Variants in NOS1AP observed in about 807,000 individuals in gnomAD.
NOS1AP encodes carboxyl-terminal PDZ ligand of neuronal nitric oxide synthase protein.
Under a neutral mutation model 56.2 loss-of-function variants are expected in NOS1AP, and 21 were observed. The observed-to-expected ratio is 0.37, with a 90% CI of 0.26 to 0.54. The LOEUF is 0.54. Among genes scored for constraint, NOS1AP ranks in the 20% least tolerant of loss-of-function variants. The pLI is 0.84. For synonymous variants in NOS1AP, 270 were observed against 274.6 expected (o/e 0.98, Z 0.17); for missense variants, 522 against 657.8 (o/e 0.79, Z 2.26).
chr1:162,289,464 CTTTT>C (rs1490334313), intron 3 of NOS1AP, among the ~76,000 whole-genome samples: 1 of 45,050 alleles, frequency 2.2e-5, no homozygotes, highest in Non-Finnish European at 4.0e-5. Context: ...CGCCCAGCTA[CTTTT>C]CTTTTTTTTT....
Position 162,225,931 on chromosome 1 carries a change from TAAG to T in NOS1AP, c.178-61409_178-61407del, listed in dbSNP as rs1364311706. Among the ~76,000 whole-genome samples the T allele has an allele frequency of 7.9e-5, 12 of 152,344 alleles. 1 individual carries two copies. In the South Asian group the frequency reaches 1.9e-3, roughly 24 times the overall value. On this transcript the variant is annotated intron_variant, in intron 2 of 9. Transcript: ENST00000361897. ...TTATTTTAACAAATTAATTTTATGT[TAAG>T]AAGCAAGGAATGTTATAGAGAAACG...
At chr1:162,362,997 A>T in intron 8 of NOS1AP, 1 of 778,202 alleles carries the variant, frequency 1.3e-6, no homozygotes, top group Non-Finnish European at 1.6e-6. Flanking sequence ...GACCAAATGT[A>T]TGGGGCTTTT....
chr1:162,264,585 C>A (rs1337401630), intron 2 of NOS1AP, among the ~76,000 whole-genome samples: 3 of 150,732 alleles, frequency 2.0e-5, no homozygotes, highest in African/African-American at 7.4e-5. Flanking sequence ...TGGCTCACTG[C>A]AACCTCCACC....
intron 2 of NOS1AP, among the ~76,000 whole-genome samples, chr1:162,244,663 G>T (rs1653599322): frequency 6.6e-6 from 1 of 152,150 alleles, no homozygotes; most frequent in Admixed American, 6.5e-5. Flanking sequence ...ATTTAAAGCA[G>T]AGTTTCCAGA....
At chr1:162,126,199 A>G (rs1648479490) in intron 1 of NOS1AP, among the ~76,000 whole-genome samples, 1 of 152,094 alleles carries the variant, frequency 6.6e-6, no homozygotes, top group South Asian at 2.1e-4. Flanking sequence ...AGGCTTTTCT[A>G]GGTATAAGAT....
intron 4 of NOS1AP, among the ~76,000 whole-genome samples, chr1:162,311,202 C>T (rs925040005): frequency 2.0e-5 from 3 of 152,162 alleles, no homozygotes; most frequent in African/African-American, 7.2e-5. Context: ...ATTCCCCACA[C>T]CTCCAAACAC....
chr1:162,212,811 C>T (rs1652415991), intron 2 of NOS1AP, among the ~76,000 whole-genome samples: 1 of 5,672 alleles, frequency 1.8e-4, no homozygotes, highest in Non-Finnish European at 3.1e-4. Flanking sequence ...CTTCTGCCCT[C>T]GACACACCCT....
intron 6 of NOS1AP, among the ~76,000 whole-genome samples, chr1:162,351,732 T>TC (rs1657503225): frequency 6.6e-6 from 1 of 151,992 alleles, no homozygotes; most frequent in Non-Finnish European, 1.5e-5. Context: ...TCCCTATGTC[T>TC]CCCCCCGACC....
chr1:162,335,008 G>T (rs190542902), intron 5 of NOS1AP, among the ~76,000 whole-genome samples: 1 of 143,770 alleles, frequency 7.0e-6, no homozygotes, highest in African/African-American at 2.5e-5. Context: ...CGCAGTGGGG[G>T]CATCCACTTC....
intron 2 of NOS1AP, among the ~76,000 whole-genome samples, chr1:162,157,646 CAT>C (rs1024552805): frequency 2.5e-4 from 38 of 152,180 alleles, no homozygotes; most frequent in African/African-American, 9.2e-4. Flanking sequence ...ATAAGGATCA[CAT>C]GTGTGTGAGA....
intron 1 of NOS1AP, among the ~76,000 whole-genome samples, chr1:162,077,949 C>T (rs574062833): frequency 1.3e-5 from 2 of 152,148 alleles, no homozygotes; most frequent in Non-Finnish European, 2.9e-5. Flanking sequence ...AATTGCTCTG[C>T]TGCCCCCTTC....
At chr1:162,146,391 T>C (rs77557646) in intron 1 of NOS1AP, among the ~76,000 whole-genome samples, 2,686 of 152,290 alleles carry the variant, frequency 0.018, 68 homozygotes, top group African/African-American at 0.061. Context: ...ACATGCACAG[T>C]TGGGGTCCTG....
chr1:162,167,181 G>A (rs1008441607), intron 2 of NOS1AP, among the ~76,000 whole-genome samples: 3 of 152,172 alleles, frequency 2.0e-5, no homozygotes, highest in Admixed American at 2.0e-4. Context: ...TCTTCACAAC[G>A]AGCTCACCCT....
chr1:162,077,666 T>C (rs1691798224), intron 1 of NOS1AP, among the ~76,000 whole-genome samples: 1 of 152,004 alleles, frequency 6.6e-6, no homozygotes, highest in African/African-American at 2.4e-5. Context: ...AGTCTGCCCT[T>C]GTCCTCTTAA....
chr1:162,255,430 A>T (rs1276923173), intron 2 of NOS1AP, among the ~76,000 whole-genome samples: 1 of 145,018 alleles, frequency 6.9e-6, no homozygotes, highest in Non-Finnish European at 1.5e-5. Context: ...TCAGGTCAGG[A>T]GACCCAGACA....
intron 2 of NOS1AP, among the ~76,000 whole-genome samples, chr1:162,215,653 C>G (rs899109249): frequency 1.3e-5 from 2 of 152,206 alleles, no homozygotes; most frequent in African/African-American, 4.8e-5. Context: ...GCTCTCCCAG[C>G]AGGCCCTTTA....
At chr1:162,286,948 T>G (rs1212852668) in intron 2 of NOS1AP, among the ~76,000 whole-genome samples, 2 of 152,202 alleles carry the variant, frequency 1.3e-5, no homozygotes, top group East Asian at 3.9e-4. Flanking sequence ...GTTCCAGCTG[T>G]TAGTCTTTGC....
chr1:162,076,864 C>G (rs954381693), intron 1 of NOS1AP, among the ~76,000 whole-genome samples: 3 of 152,170 alleles, frequency 2.0e-5, no homozygotes, highest in African/African-American at 7.2e-5. Flanking sequence ...TCTTTTGTGT[C>G]TGACTTCTTT....
Position 162,123,023 on chromosome 1 carries a change from A to C in NOS1AP, c.106-31382A>C, listed in dbSNP as rs529953911. Among the ~76,000 whole-genome samples, 4 of 152,340 alleles carry C rather than the reference A, an allele frequency of 2.6e-5. No individual in the cohort carries two copies. The South Asian group carries it at 8.3e-4, about 32-fold the overall frequency. ...CTTTGTGCTTAGAATCTATTCGACGAGTATTTATTGTTAAAAATACTGTGC... is the reference window on the plus strand; with the variant it reads ...CTTTGTGCTTAGAATCTATTCGACGCGTATTTATTGTTAAAAATACTGTGC... On this transcript the variant is annotated intron_variant, in intron 1 of 9. Transcript: ENST00000361897.
Sources: gnomAD v4.1 joint callset for allele counts (sites outside exome capture counted in the v4.1 genomes callset) on GRCh38, gnomAD v4.1.1 for gene constraint, MANE v1.5 for transcripts, NCBI Gene and HGNC (gene_info 2026-07-23, HGNC 2026-07-21) for gene names.